UBE2L3: variants seen among roughly 807,000 people sequenced by gnomAD.
UBE2L3 encodes ubiquitin-conjugating enzyme E2 L3.
Under a neutral mutation model 17.8 loss-of-function variants are expected in UBE2L3, and 1 was observed. The ratio of observed to expected loss-of-function variants is 0.06; its 90% CI spans 0.02 to 0.27. The LOEUF (loss-of-function observed/expected upper bound fraction) is 0.27, where lower values mean the gene tolerates loss of function less well. UBE2L3 is among the 10% of genes least tolerant of loss of function. UBE2L3 has a pLI of 1.00. For missense variants in UBE2L3, 40 were observed against 192.6 expected, an observed-to-expected ratio of 0.21 and a Z score of 4.69; for synonymous variants, 44 against 68.5, an observed-to-expected ratio of 0.64 and a Z score of 1.76.
At chr22:21,550,794 C>CG in intron 1 of UBE2L3, 2 of 123,848 alleles carry the variant, frequency 1.6e-5, no homozygotes, top group Non-Finnish European at 2.5e-5. Context: ...CCTCCTCACG[C>CG]AGCTGGCGCT....
chr22:21,556,198 T>C (rs951250002), intron 1 of UBE2L3, among the ~76,000 whole-genome samples: 1 of 152,160 alleles, frequency 6.6e-6, no homozygotes. Flanking sequence ...GTCACCGCAC[T>C]CCTGCCTGGG....
intron 2 of UBE2L3, among the ~76,000 whole-genome samples, chr22:21,593,461 C>T (rs1928368591): frequency 6.6e-6 from 1 of 152,136 alleles, no homozygotes; most frequent in South Asian, 2.1e-4. Flanking sequence ...TTCCCCTCAC[C>T]CCATGTCTTT....
At chr22:21,614,145 T>C (rs1034926352) in intron 3 of UBE2L3, among the ~76,000 whole-genome samples, 3 of 152,196 alleles carry the variant, frequency 2.0e-5, no homozygotes, top group Non-Finnish European at 4.4e-5. Context: ...ATGCCATTCC[T>C]TCTCCCACCT....
At chr22:21,598,660 A>C (rs1928690569) in intron 2 of UBE2L3, among the ~76,000 whole-genome samples, 1 of 150,568 alleles carries the variant, frequency 6.6e-6, no homozygotes, top group South Asian at 2.1e-4. Flanking sequence ...GGAGTTCAAA[A>C]CCAGCTTGGG....
intron 3 of UBE2L3, among the ~76,000 whole-genome samples, chr22:21,615,554 CAA>C (rs370703483): frequency 1.7e-4 from 16 of 94,136 alleles, no homozygotes; most frequent in Admixed American, 2.4e-4. Flanking sequence ...GACTCCGTCT[CAA>C]AAAAAAAAAA....
chr22:21,618,207 C>G (rs1929875256), intron 3 of UBE2L3, among the ~76,000 whole-genome samples: 1 of 100,810 alleles, frequency 9.9e-6, no homozygotes, highest in East Asian at 2.9e-4. Context: ...CAGACTTGAT[C>G]AAATTAGTGA....
intron 1 of UBE2L3, chr22:21,568,328 C>G: frequency 1.0e-6 from 1 of 985,504 alleles, no homozygotes; most frequent in Non-Finnish European, 1.2e-6. Flanking sequence ...TTTGGAATTG[C>G]GCTGGGTCCT....
At chr22:21,573,848 C>A (rs1030460585) in intron 1 of UBE2L3, among the ~76,000 whole-genome samples, 1 of 152,182 alleles carries the variant, frequency 6.6e-6, no homozygotes, top group African/African-American at 2.4e-5. Context: ...GAGGCATTGG[C>A]TTGATTTTAC....
chr22:21,574,478 C>G (rs1230100720), intron 1 of UBE2L3, among the ~76,000 whole-genome samples: 3 of 152,120 alleles, frequency 2.0e-5, no homozygotes, highest in Non-Finnish European at 4.4e-5. Context: ...AGGGAGGTGA[C>G]CAGCCTGACA....
intron 2 of UBE2L3, among the ~76,000 whole-genome samples, chr22:21,599,522 G>A (rs1365306928): frequency 2.0e-5 from 3 of 152,098 alleles, no homozygotes; most frequent in African/African-American, 4.8e-5. Flanking sequence ...AGCACTGAGT[G>A]TGGCTCCACC....
intron 2 of UBE2L3, among the ~76,000 whole-genome samples, chr22:21,603,815 C>T (rs536574755): frequency 2.9e-4 from 41 of 143,718 alleles, no homozygotes; most frequent in East Asian, 2.4e-3. Context: ...CCAGCCTGGG[C>T]GACAGAGCCA....
At chr22:21,619,223 C>T (rs911986679) in intron 3 of UBE2L3, among the ~76,000 whole-genome samples, 3 of 151,976 alleles carry the variant, frequency 2.0e-5, no homozygotes, top group African/African-American at 2.4e-5. Flanking sequence ...GGGTGGGCTT[C>T]GTTTATTAAA....
intron 2 of UBE2L3, among the ~76,000 whole-genome samples, chr22:21,593,348 T>G (rs754866644): frequency 1.5e-4 from 23 of 152,210 alleles, no homozygotes; most frequent in Non-Finnish European, 3.4e-4. Context: ...TTTGCATTCA[T>G]GTCTCTAACC....
chr22:21,621,814 C>T lies in UBE2L3; in HGVS notation c.*145C>T. The stretch of plus-strand genomic sequence containing the variant: ...GCAGTTACTAACTTTCTACAGTTTT[C>T]TTAATCAAAAGTGGTCTAGGTAACC... On this transcript the variant is annotated 3_prime_UTR_variant, in exon 4 of 4. Coordinates refer to ENST00000342192, the MANE Select transcript of UBE2L3 (RefSeq NM_003347.4). 1.6e-6 allele frequency: 1 copy of T among 627,808 alleles called. No individual in the cohort carries two copies. Among genetic ancestry groups the T allele is most frequent in the Non-Finnish European group, 2.7e-6 (1 of 369,984 alleles). The allele number at this position is 627,808 out of a possible 1,614,324, so 38.9% of individuals were successfully genotyped here.
At chr22:21,618,112 T>G (rs2876971) in intron 3 of UBE2L3, among the ~76,000 whole-genome samples, 33,155 of 151,678 alleles carry the variant, frequency 0.22, 4,414 homozygotes, top group East Asian at 0.51. Flanking sequence ...ACCCAGGAGG[T>G]GGAGGTTTCA....
rs1929444021 is a variant in UBE2L3, at chr22:21,611,010, G to A, written c.277G>A (p.Glu93Lys). 6.2e-7 allele frequency: 1 copy of A among 1,609,554 alleles called. No homozygotes were observed. The change falls in exon 3 of 4, where the codon GAA becomes AAA. Residue 93 changes from glutamate to lysine, a missense_variant. Glu to Lys is a moderately conservative substitution (Grantham distance 56). Coordinates refer to ENST00000342192, the MANE Select transcript of UBE2L3 (RefSeq NM_003347.4). ...GGTCTGTCTGCCAGTAATTAGTGCCGAAAACTGGAAGCCAGCAACCAAAAC... is the reference window on the plus strand; with the variant it reads ...GGTCTGTCTGCCAGTAATTAGTGCCAAAAACTGGAAGCCAGCAACCAAAAC... ...GQVCLPVISAENWKPATKTDQ... is the reference protein window; with the variant it reads ...GQVCLPVISAKNWKPATKTDQ...
rs535982446 is a variant in UBE2L3, at chr22:21,615,862, G to A, written c.310+4819G>A. On this transcript the variant is annotated intron_variant, in intron 3 of 3. Coordinates refer to ENST00000342192, the MANE Select transcript of UBE2L3 (RefSeq NM_003347.4). Reference sequence around the variant, plus strand: ...TTCAGCTCTCAACTGAAGCAAGTGGGCTGTCTAATGCCAAACTTCTTGGAT... The same window carrying A: ...TTCAGCTCTCAACTGAAGCAAGTGGACTGTCTAATGCCAAACTTCTTGGAT... Among the ~76,000 whole-genome samples the A allele has an allele frequency of 5.3e-5, 8 of 152,322 alleles. No homozygotes were observed. In the South Asian group the frequency reaches 1.7e-3, roughly 32 times the overall value.
chr22:21,610,662 C>T (rs5754352), intron 2 of UBE2L3, among the ~76,000 whole-genome samples, 195 bp from the exon 3 acceptor site: 33,414 of 152,170 alleles, frequency 0.22, 4,445 homozygotes, highest in East Asian at 0.51. Flanking sequence ...TCTCAAGCCC[C>T]TTCTCAGTTT....
At chr22:21,572,157 A>AGGC (rs1272623622) in intron 1 of UBE2L3, among the ~76,000 whole-genome samples, 2 of 152,194 alleles carry the variant, frequency 1.3e-5, no homozygotes, top group Admixed American at 1.3e-4. Flanking sequence ...GAGGCAGGCC[A>AGGC]GGCGTGGTGA....
Sources: gnomAD v4.1 joint callset for allele counts (sites outside exome capture counted in the v4.1 genomes callset) on GRCh38, gnomAD v4.1.1 for gene constraint, MANE v1.5 for transcripts, NCBI Gene and HGNC (gene_info 2026-07-23, HGNC 2026-07-21) for gene names.